Variants in IDE observed in about 807,000 individuals in gnomAD.
The protein encoded by IDE is insulin-degrading enzyme.
Under a neutral mutation model 133.2 loss-of-function variants are expected in IDE, and 58 were observed. The observed-to-expected ratio is 0.44, with a 90% CI of 0.35 to 0.54. The LOEUF is 0.54. IDE is among the 20% of genes least tolerant of loss of function. The pLI is 0.00. For missense variants in IDE, 981 were observed against 1,234.0 expected (o/e 0.79, Z 3.07); for synonymous variants, 396 against 421.3 (o/e 0.94, Z 0.73).
chr10:92,558,402 G>T (rs560855131), intron 1 of IDE, among the ~76,000 whole-genome samples: 1 of 152,130 alleles, frequency 6.6e-6, no homozygotes, highest in African/African-American at 2.4e-5. Context: ...ACCTTGGATT[G>T]GGCAGTGGCT....
intron 5 of IDE, among the ~76,000 whole-genome samples, chr10:92,511,084 TAA>T (rs35891632): frequency 0.1 from 11,096 of 108,098 alleles, 589 homozygotes; most frequent in South Asian, 0.18. Context: ...AAAGCAGTGT[TAA>T]AAAAAAAAAA....
Position 92,507,628 on chromosome 10 carries a change from T to C in IDE, c.1192A>G (p.Ile398Val). Residue 398 changes from isoleucine to valine, a missense_variant, in exon 9 of 25, where the codon ATT becomes GTT. Coordinates refer to ENST00000265986, the MANE Select transcript of IDE (RefSeq NM_004969.4). ...EDIILHMFQY[I>V]QKLRAEGPQE... ...GGTCCTTCTGCACGTAACTTCTGAA[T>C]GTATTGAAACATGTGCAAAATTATA... The C allele has an allele frequency of 6.2e-7, 1 of 1,608,296 alleles. No individual in the cohort carries two copies. The highest frequency in any genetic ancestry group is 8.5e-7 in the Non-Finnish European group (1 of 1,174,666).
intron 11 of IDE, among the ~76,000 whole-genome samples, chr10:92,491,219 CA>C (rs1847321516): frequency 6.8e-6 from 1 of 147,918 alleles, no homozygotes; most frequent in African/African-American, 2.5e-5. Flanking sequence ...GCATGGGTGA[CA>C]AATCAAAACC....
At chr10:92,520,418 G>A (rs938158641) in intron 4 of IDE, among the ~76,000 whole-genome samples, 1 of 152,136 alleles carries the variant, frequency 6.6e-6, no homozygotes, top group Admixed American at 6.5e-5. Context: ...GAAGGAATGA[G>A]TTTTAAGTTT....
intron 4 of IDE, 101 bp downstream of exon 4, chr10:92,531,643 TATAC>T: frequency 6.9e-6 from 3 of 432,272 alleles, no homozygotes; most frequent in Non-Finnish European, 1.1e-5. Context: ...CCATGGGTTA[TATAC>T]ATAAATATAT....
chr10:92,566,388 ATCTCTC>A lies in IDE; in HGVS notation c.98+7528_98+7533del, dbSNP rs201698581. Among the ~76,000 whole-genome samples, 1,014 of 144,926 alleles carry A rather than the reference ATCTCTC, an allele frequency of 7.0e-3. 7 individuals carry two copies. The highest frequency in any genetic ancestry group is 0.023 in the African/African-American group (883 of 38,898). On this transcript the variant is annotated intron_variant, in intron 1 of 24. Transcript: ENST00000265986. ...CCTAGGAGTGACAGAGTCAGACTCT[ATCTCTC>A]TCTCTCTCTCTCTCTCTCTCACACA... is the stretch of plus-strand genomic sequence containing the variant.
At chr10:92,483,682 C>A (rs1280565170) in intron 13 of IDE, among the ~76,000 whole-genome samples, 2 of 152,158 alleles carry the variant, frequency 1.3e-5, no homozygotes, top group South Asian at 4.1e-4. Context: ...CCCTTGCAAG[C>A]GTATGGCAGC....
chr10:92,510,933 T>A (rs1848591657), intron 5 of IDE, among the ~76,000 whole-genome samples: 1 of 151,396 alleles, frequency 6.6e-6, no homozygotes, highest in South Asian at 2.1e-4. Flanking sequence ...TTTGGAAGTA[T>A]AACAAGAAAT....
intron 11 of IDE, among the ~76,000 whole-genome samples, chr10:92,492,259 C>CAAA (rs199701512): frequency 0.023 from 2,719 of 118,376 alleles, 36 homozygotes; most frequent in Admixed American, 0.062. Flanking sequence ...GACTCTGTCT[C>CAAA]AAAAAAAAAA....
chr10:92,572,301 A>T (rs1386885121), intron 1 of IDE, among the ~76,000 whole-genome samples: 1 of 152,226 alleles, frequency 6.6e-6, no homozygotes, highest in African/African-American at 2.4e-5. Context: ...AAAAGAGGAC[A>T]AAAGGAGGCA....
intron 21 of IDE, among the ~76,000 whole-genome samples, chr10:92,462,213 G>A (rs1050905392): frequency 1.3e-5 from 2 of 151,232 alleles, no homozygotes; most frequent in Admixed American, 6.6e-5. Flanking sequence ...CTACTCGGGA[G>A]AGGCTGAGAC....
At position 92,513,334 on chromosome 10, in the gene IDE, A is replaced by G. The variant is rs534721921; in HGVS notation, c.784+1586T>C. Among the ~76,000 whole-genome samples the G allele has an allele frequency of 7.2e-5, 11 of 152,244 alleles. No homozygotes were observed. In the South Asian group the frequency reaches 2.3e-3, roughly 32 times the overall value. On this transcript the variant is annotated intron_variant, in intron 5 of 24. Transcript: ENST00000265986. Reference sequence around the variant, plus strand: ...CAGCCTCCCAACTAGCTGGGATTACAGGTGCCCGCCACCATGCCCGGTTAA... The same window carrying G: ...CAGCCTCCCAACTAGCTGGGATTACGGGTGCCCGCCACCATGCCCGGTTAA...
intron 12 of IDE, among the ~76,000 whole-genome samples, chr10:92,487,570 C>G (rs960048262): frequency 6.6e-6 from 1 of 152,176 alleles, no homozygotes; most frequent in African/African-American, 2.4e-5. Flanking sequence ...AAATGACCAG[C>G]TGAGGAACAA....
chr10:92,475,149 C>T (rs1372554770), intron 16 of IDE, among the ~76,000 whole-genome samples, 188 bp from the exon 17 acceptor site: 2 of 152,070 alleles, frequency 1.3e-5, no homozygotes, highest in Non-Finnish European at 2.9e-5. Flanking sequence ...AAAGTGCATG[C>T]TTTTTCTTTG....
Position 92,487,306 on chromosome 10 carries a change from C to T in IDE, c.1546G>A (p.Ala516Thr), listed in dbSNP as rs771647706. Residue 516 changes from alanine to threonine, a missense_variant, in exon 13 of 25, where the codon GCT (alanine) becomes ACT (threonine). Ala to Thr is a moderately conservative substitution (Grantham distance 58). Around this residue, in one of 2 missense-constraint regions of IDE, gnomAD observed 660 missense variants for 894.7 expected, o/e 0.74. Coordinates refer to ENST00000265986, the MANE Select transcript of IDE (RefSeq NM_004969.4). The stretch of plus-strand genomic sequence containing the variant: ...AGTTTAAATTTCCCATTCAGGTCAG[C>T]ATTTTGCCATTTCTGGATGAATAAT... ...PDEVIKKWQN[A>T]DLNGKFKLPT... 5 of 1,610,268 alleles carry T rather than the reference C, an allele frequency of 3.1e-6. No homozygotes were observed. The highest frequency in any genetic ancestry group is 4.2e-6 in the Non-Finnish European group (5 of 1,178,468).
At chr10:92,564,191 A>C (rs535624794) in intron 1 of IDE, among the ~76,000 whole-genome samples, 1 of 152,320 alleles carries the variant, frequency 6.6e-6, no homozygotes, top group East Asian at 1.9e-4. Context: ...AGAAAGAAAA[A>C]AATTTGAGAA....
At chr10:92,498,084 T>C (rs1346154832) in intron 11 of IDE, among the ~76,000 whole-genome samples, 2 of 152,214 alleles carry the variant, frequency 1.3e-5, no homozygotes, top group Non-Finnish European at 2.9e-5. Context: ...TTTTACATCA[T>C]ACAGATAAAG....
chr10:92,472,596 G>A (rs1252485797), intron 17 of IDE, among the ~76,000 whole-genome samples: 4 of 149,932 alleles, frequency 2.7e-5, no homozygotes, highest in Non-Finnish European at 5.9e-5. Flanking sequence ...TGTTACGTAA[G>A]TATAAGAACT....
At chr10:92,504,502 T>C (rs941027331) in intron 11 of IDE, among the ~76,000 whole-genome samples, 1 of 152,148 alleles carries the variant, frequency 6.6e-6, no homozygotes, top group Non-Finnish European at 1.5e-5. Context: ...TCTATTTTAT[T>C]TATGATAATA....
Sources: allele counts gnomAD v4.1 joint callset (sites outside exome capture counted in the v4.1 genomes callset), GRCh38; gene constraint gnomAD v4.1.1; regional missense constraint gnomAD v4.1.1; transcripts MANE v1.5; gene names NCBI Gene and HGNC (gene_info 2026-07-23, HGNC 2026-07-21).